Variants in GALNTL6 observed in about 807,000 individuals in gnomAD.
The protein encoded by GALNTL6 is polypeptide N-acetylgalactosaminyltransferase like 6, also known as polypeptide N-acetylgalactosaminyltransferase-like 6.
GALNTL6 carries 46 observed loss-of-function variants against 73.7 expected under a neutral mutation model. The ratio of observed to expected loss-of-function variants is 0.62; its 90% CI spans 0.49 to 0.80. The LOEUF (loss-of-function observed/expected upper bound fraction) is 0.80. Among genes scored for constraint, GALNTL6 ranks in the 30% least tolerant of loss-of-function variants. The pLI, the probability that GALNTL6 is intolerant of heterozygous loss-of-function variation, is 0.00. For missense variants in GALNTL6, 604 were observed against 755.0 expected (o/e 0.80, Z 2.34); for synonymous variants, 259 against 263.7 (o/e 0.98, Z 0.17).
chr4:173,016,186 A>T (rs548596873), intron 11 of GALNTL6, among the ~76,000 whole-genome samples: 1 of 152,336 alleles, frequency 6.6e-6, no homozygotes, highest in African/African-American at 2.4e-5. Flanking sequence ...TAGTGGTGGG[A>T]TCCTCTTGGA....
chr4:171,953,083 G>A (rs558067176), intron 2 of GALNTL6, among the ~76,000 whole-genome samples: 1 of 152,174 alleles, frequency 6.6e-6, no homozygotes, highest in African/African-American at 2.4e-5. Flanking sequence ...AGGACATAAT[G>A]TTGAAAAGTA....
At chr4:172,563,509 T>C (rs1736452121) in intron 5 of GALNTL6, among the ~76,000 whole-genome samples, 1 of 152,266 alleles carries the variant, frequency 6.6e-6, no homozygotes, top group South Asian at 2.1e-4. Flanking sequence ...TCTGGTTATC[T>C]ATAAAATCTT....
intron 9 of GALNTL6, among the ~76,000 whole-genome samples, chr4:172,935,042 A>G (rs1437419465): frequency 1.3e-5 from 2 of 152,228 alleles, no homozygotes; most frequent in African/African-American, 4.8e-5. Flanking sequence ...CAGCAGGGAC[A>G]TGTCAGAAGT....
intron 5 of GALNTL6, among the ~76,000 whole-genome samples, chr4:172,389,888 G>A (rs1427517738): frequency 6.6e-6 from 1 of 152,050 alleles, no homozygotes; most frequent in African/African-American, 2.4e-5. Flanking sequence ...TTTAGTTCAT[G>A]ATTTTAAAAA....
intron 5 of GALNTL6, among the ~76,000 whole-genome samples, chr4:172,501,079 T>C (rs1029020246): frequency 6.6e-6 from 1 of 152,232 alleles, no homozygotes; most frequent in Non-Finnish European, 1.5e-5. Flanking sequence ...GAACTAAATA[T>C]ACATGCACAC....
At chr4:172,067,241 G>C (rs1365036889) in intron 2 of GALNTL6, among the ~76,000 whole-genome samples, 7 of 151,736 alleles carry the variant, frequency 4.6e-5, no homozygotes, top group African/African-American at 1.2e-4. Flanking sequence ...CAATTACAGG[G>C]CTCCAGTCTT....
At chr4:172,344,302 A>G (rs1354836638) in intron 4 of GALNTL6, among the ~76,000 whole-genome samples, 1 of 152,190 alleles carries the variant, frequency 6.6e-6, no homozygotes, top group Non-Finnish European at 1.5e-5. Context: ...TAGTAATACT[A>G]TAGGGCAGTC....
chr4:172,042,771 A>T (rs1250156260), intron 2 of GALNTL6, among the ~76,000 whole-genome samples: 1 of 147,688 alleles, frequency 6.8e-6, no homozygotes, highest in Non-Finnish European at 1.5e-5. Context: ...CTGATAGCCA[A>T]CTCATGTCAC....
chr4:172,104,522 A>C (rs562274041), intron 2 of GALNTL6, among the ~76,000 whole-genome samples: 1 of 152,344 alleles, frequency 6.6e-6, no homozygotes, highest in East Asian at 1.9e-4. Context: ...ATTATAAAGC[A>C]GCAAGAAACA....
At chr4:172,508,649 A>G (rs1734410862) in intron 5 of GALNTL6, among the ~76,000 whole-genome samples, 1 of 53,938 alleles carries the variant, frequency 1.9e-5, no homozygotes, top group African/African-American at 4.6e-5. Context: ...AAGTGAGAAC[A>G]TACGACATTT....
At chr4:172,389,566 T>C (rs984168452) in intron 5 of GALNTL6, among the ~76,000 whole-genome samples, 1 of 152,124 alleles carries the variant, frequency 6.6e-6, no homozygotes, top group African/African-American at 2.4e-5. Context: ...TGAGTAGATG[T>C]ATATAACACA....
chr4:172,238,510 G>A (rs1737315282), intron 3 of GALNTL6, among the ~76,000 whole-genome samples: 1 of 151,990 alleles, frequency 6.6e-6, no homozygotes, highest in Admixed American at 6.5e-5. Flanking sequence ...CAGAGAATAT[G>A]GGGTTTTCTA....
rs10645932 is a variant in GALNTL6 at position 172,277,263 on chromosome 4, C to CA, written c.248-34340dup. On this transcript the variant is annotated intron_variant, in intron 3 of 12. Coordinates refer to ENST00000506823, the MANE Select transcript of GALNTL6 (RefSeq NM_001034845.3). ...TCCTAAGGCTTGAAAATAAAAAATG[C>CA]AAAAAAAAAAATACTTCGCAACAGT... 5.9e-3 allele frequency among the ~76,000 whole-genome samples: 853 copies of CA among 145,584 alleles called. 1 individual carries two copies. Among genetic ancestry groups the CA allele is most frequent in the African/African-American group, 0.011 (418 of 39,794 alleles).
chr4:172,556,381 G>A (rs978688347), intron 5 of GALNTL6, among the ~76,000 whole-genome samples: 8 of 151,992 alleles, frequency 5.3e-5, no homozygotes, highest in African/African-American at 1.9e-4. Context: ...CAAGAGAAGG[G>A]TCTCTCCCCA....
intron 2 of GALNTL6, among the ~76,000 whole-genome samples, chr4:171,876,744 C>T (rs899156108): frequency 6.6e-6 from 1 of 152,182 alleles, no homozygotes; most frequent in African/African-American, 2.4e-5. Context: ...TCAATCACAT[C>T]TGGAATTGAT....
intron 10 of GALNTL6, among the ~76,000 whole-genome samples, chr4:173,001,381 A>G (rs1025142709): frequency 2.0e-5 from 3 of 152,242 alleles, no homozygotes; most frequent in Non-Finnish European, 4.4e-5. Context: ...TTAATTCTAA[A>G]TGGACCTAAA....
At chr4:171,820,111 G>A (rs1734643260) in intron 2 of GALNTL6, among the ~76,000 whole-genome samples, 1 of 152,008 alleles carries the variant, frequency 6.6e-6, no homozygotes, top group Non-Finnish European at 1.5e-5. Context: ...TGTGTGCTAT[G>A]GAAATATGTA....
chr4:171,965,033 C>T (rs1037997024), intron 2 of GALNTL6, among the ~76,000 whole-genome samples: 6 of 152,216 alleles, frequency 3.9e-5, no homozygotes. Flanking sequence ...TTCCTGCTGA[C>T]AAATCTCTAT....
At chr4:173,026,435 A>G (rs1753234932) in intron 12 of GALNTL6, among the ~76,000 whole-genome samples, 1 of 152,190 alleles carries the variant, frequency 6.6e-6, no homozygotes, top group African/African-American at 2.4e-5. Context: ...TTACAGACAG[A>G]ACCATTCTTA....
Sources: gnomAD v4.1 joint callset for allele counts (sites outside exome capture counted in the v4.1 genomes callset) on GRCh38, gnomAD v4.1.1 for gene constraint, MANE v1.5 for transcripts, NCBI Gene and HGNC (gene_info 2026-07-23, HGNC 2026-07-21) for gene names.